Variants in SMOC1 observed in about 807,000 individuals in gnomAD.
The protein encoded by SMOC1 is SPARC-related modular calcium-binding protein 1.
Under a neutral mutation model 56.3 loss-of-function variants are expected in SMOC1, and 22 were observed. That is an observed-to-expected ratio of 0.39 (90% CI 0.28 to 0.56). SMOC1 has a LOEUF of 0.56. Ranked by LOEUF, SMOC1 falls within the 20% of genes least tolerant of loss-of-function variation. SMOC1 has a pLI of 0.61. For synonymous variants in SMOC1, 193 were observed against 215.0 expected, an observed-to-expected ratio of 0.90 and a Z score of 0.89; for missense variants, 509 against 565.4, an observed-to-expected ratio of 0.90 and a Z score of 1.01.
intron 1 of SMOC1, among the ~76,000 whole-genome samples, chr14:69,930,213 C>CCTTCCCACT (rs1885128719): frequency 9.9e-5 from 13 of 130,770 alleles, no homozygotes; most frequent in African/African-American, 5.0e-4. Context: ...CCCTTCTCAC[C>CCTTCCCACT]CCCCTGACAG....
At chr14:69,934,721 C>T (rs1014348880) in intron 1 of SMOC1, among the ~76,000 whole-genome samples, 1 of 152,178 alleles carries the variant, frequency 6.6e-6, no homozygotes, top group Admixed American at 6.5e-5. Context: ...ACATCATTTG[C>T]TGAGCCTTTA....
intron 1 of SMOC1, among the ~76,000 whole-genome samples, chr14:69,914,713 C>T (rs1251280552): frequency 6.6e-6 from 1 of 152,184 alleles, no homozygotes; most frequent in Non-Finnish European, 1.5e-5. Context: ...AACTGTAATG[C>T]TTATTAATGA....
chr14:69,960,995 T>C (rs1277410742), intron 3 of SMOC1, among the ~76,000 whole-genome samples: 4 of 152,144 alleles, frequency 2.6e-5, no homozygotes, highest in Admixed American at 6.5e-5. Flanking sequence ...GCAACCATCA[T>C]CATTATCTAA....
At chr14:69,897,183 G>T (rs61980575) in intron 1 of SMOC1, among the ~76,000 whole-genome samples, 19,941 of 152,036 alleles carry the variant, frequency 0.13, 1,762 homozygotes, top group African/African-American at 0.26. Context: ...TTGTCTGGGG[G>T]TTGGAAAGCC....
rs74060500 is a variant in SMOC1 at position 69,907,058 on chromosome 14, T to C, written c.99+27281T>C. On this transcript the variant is annotated intron_variant, in intron 1 of 11. Transcript: ENST00000361956. ...GGAGTTAGGTGGAAACAGTCATATT[T>C]CTGAGAAAATGTTCTTGAACAACCT... Among the ~76,000 whole-genome samples, 284 of 152,326 alleles carry C rather than the reference T, an allele frequency of 1.9e-3. 1 individual carries two copies. Among genetic ancestry groups the C allele is most frequent in the African/African-American group, 6.7e-3 (277 of 41,576 alleles).
intron 3 of SMOC1, among the ~76,000 whole-genome samples, chr14:69,958,202 A>C (rs577213172): frequency 6.6e-6 from 1 of 152,248 alleles, no homozygotes; most frequent in African/African-American, 2.4e-5. Context: ...TCAAGGCTAT[A>C]TTGCTCTATG....
At chr14:69,992,319 C>A in intron 5 of SMOC1, 98 bp from the exon 6 acceptor site, 1 of 1,210,434 alleles carries the variant, frequency 8.3e-7, no homozygotes, top group Non-Finnish European at 1.2e-6. Flanking sequence ...TTGGCCGGGC[C>A]TTGTACAAAC....
rs1382622219 is a variant in SMOC1 at position 70,013,499 on chromosome 14, T to C, written c.1046+8T>C. ...GCCCACTGGAGGTGGGAGGTGAGAT[T>C]GTGAGCAGGAATCAGGCCCAGGAGA... On this transcript the variant is annotated splice_region_variant and intron_variant, in intron 10 of 11. Transcript: ENST00000361956. 5 of 1,613,188 alleles carry C rather than the reference T, an allele frequency of 3.1e-6. No individual in the cohort carries two copies. The African/African-American group carries it at 6.7e-5, about 22-fold the overall frequency.
rs1883015972 is a variant in SMOC1, at chr14:69,952,044, T to C, written c.100-94T>C. On this transcript the variant is annotated intron_variant, in intron 1 of 11. Coordinates refer to ENST00000361956, the MANE Select transcript of SMOC1 (RefSeq NM_001034852.3). ...TTATTTGGGTTTATTAGGGACTTAC[T>C]TTCTAAAGGCAAACAAGTACTGTAA... 5 of 1,450,316 alleles carry C rather than the reference T, an allele frequency of 3.4e-6. No individual in the cohort carries two copies. In the Admixed American group the frequency reaches 8.4e-5, roughly 24 times the overall value. 89.8% of individuals were successfully genotyped at this position (1,450,316 alleles called of 1,614,324 possible).
intron 3 of SMOC1, among the ~76,000 whole-genome samples, chr14:69,961,743 A>C (rs367883912): frequency 9.2e-5 from 14 of 152,166 alleles, no homozygotes; most frequent in African/African-American, 2.6e-4. Context: ...TTTTGTGTTT[A>C]TCTGTTTTCA....
chr14:69,925,466 C>T (rs1884985381), intron 1 of SMOC1, among the ~76,000 whole-genome samples: 1 of 152,084 alleles, frequency 6.6e-6, no homozygotes, highest in African/African-American at 2.4e-5. Context: ...AGTCTCTTTG[C>T]AATCACAGGA....
chr14:69,998,586 T>A (rs1056142405), intron 7 of SMOC1, among the ~76,000 whole-genome samples: 1 of 152,202 alleles, frequency 6.6e-6, no homozygotes, highest in Non-Finnish European at 1.5e-5. Flanking sequence ...CATCTTCTCA[T>A]GTTTCTAATT....
At chr14:70,029,363 G>A (rs182682060) in intron 11 of SMOC1, among the ~76,000 whole-genome samples, 1 of 152,234 alleles carries the variant, frequency 6.6e-6, no homozygotes, top group East Asian at 1.9e-4. Flanking sequence ...CCAAGACCTG[G>A]GACAGTTCTG....
rs530500358 is a variant in SMOC1, at chr14:69,896,489, A to G, written c.99+16712A>G. Among the ~76,000 whole-genome samples the G allele has an allele frequency of 3.9e-5, 6 of 152,370 alleles. No individual in the cohort carries two copies. The East Asian group carries it at 1.2e-3, about 29-fold the overall frequency. Reference sequence around the variant, plus strand: ...ATGAAGTAATGGTAGGAAGCTCAATAAATGTTAACTATTCATAAAAATAAT... The same window carrying G: ...ATGAAGTAATGGTAGGAAGCTCAATGAATGTTAACTATTCATAAAAATAAT... On this transcript the variant is annotated intron_variant, in intron 1 of 11. Transcript: ENST00000361956.
At chr14:69,926,046 C>CT (rs1885002014) in intron 1 of SMOC1, among the ~76,000 whole-genome samples, 1 of 101,840 alleles carries the variant, frequency 9.8e-6, no homozygotes, top group Non-Finnish European at 1.9e-5. Context: ...TATCAGAAGC[C>CT]ATTTTTTTTT....
At chr14:69,976,995 T>C (rs1443167930) in intron 4 of SMOC1, among the ~76,000 whole-genome samples, 1 of 152,144 alleles carries the variant, frequency 6.6e-6, no homozygotes, top group Non-Finnish European at 1.5e-5. Flanking sequence ...GAAACCTTAA[T>C]TGGGGTTGGG....
At chr14:70,010,579 C>T (rs1244721690) in intron 7 of SMOC1, among the ~76,000 whole-genome samples, 175 bp from the exon 8 acceptor site, 1 of 152,206 alleles carries the variant, frequency 6.6e-6, no homozygotes, top group Admixed American at 6.5e-5. Flanking sequence ...CTCCAGGCCC[C>T]TCAGCATGCG....
chr14:69,920,781 C>T (rs944806760), intron 1 of SMOC1, among the ~76,000 whole-genome samples: 3 of 152,116 alleles, frequency 2.0e-5, no homozygotes, highest in Admixed American at 1.3e-4. Flanking sequence ...AGAGGGCTGG[C>T]TTGAGGATTC....
At chr14:69,968,887 A>G (rs960548276) in intron 3 of SMOC1, among the ~76,000 whole-genome samples, 6 of 152,226 alleles carry the variant, frequency 3.9e-5, no homozygotes, top group Non-Finnish European at 7.3e-5. Flanking sequence ...AAAGAAGCAC[A>G]AAGAGACAGA....
Sources: gnomAD v4.1 joint callset for allele counts (sites outside exome capture counted in the v4.1 genomes callset) on GRCh38, gnomAD v4.1.1 for gene constraint, MANE v1.5 for transcripts, NCBI Gene and HGNC (gene_info 2026-07-23, HGNC 2026-07-21) for gene names.